The following ITCH variants were observed in gnomAD, a reference collection of about 807,000 sequenced individuals.
The protein encoded by ITCH is E3 ubiquitin-protein ligase Itchy homolog.
ITCH carries 28 observed loss-of-function variants against 126.8 expected under a neutral mutation model. That is an observed-to-expected ratio of 0.22 (90% confidence interval 0.16 to 0.30). The LOEUF (loss-of-function observed/expected upper bound fraction) is 0.30. Among genes scored for constraint, ITCH ranks in the 10% least tolerant of loss-of-function variants. ITCH has a pLI of 1.00. For synonymous variants in ITCH, 342 were observed against 340.0 expected (o/e 1.01, Z -0.06); for missense variants, 631 against 1,032.4 (o/e 0.61, Z 5.33).
At chr20:34,433,239 G>A (rs1601888688) in intron 7 of ITCH, among the ~76,000 whole-genome samples, 2 of 152,344 alleles carry the variant, frequency 1.3e-5, no homozygotes, top group South Asian at 2.1e-4. Flanking sequence ...GCAGTGAGCC[G>A]AGATCGTGCC....
At chr20:34,425,442 T>G (rs1409331648) in intron 7 of ITCH, among the ~76,000 whole-genome samples, 3 of 151,766 alleles carry the variant, frequency 2.0e-5, no homozygotes, top group African/African-American at 4.8e-5. Flanking sequence ...TGAGGAGGAG[T>G]AGTGAAAGAG....
chr20:34,408,729 A>G lies in ITCH; in HGVS notation c.149A>G (p.Gln50Arg). The change falls in exon 4 of 25, where the codon CAG becomes CGG. Residue 50 changes from glutamine (Q) to arginine (R), a missense_variant. Physicochemically the swap from Gln to Arg is conservative, Grantham distance 43. This residue lies in a region of ITCH where 220 missense variants were observed against 265.7 expected (regional missense o/e 0.83). Coordinates refer to ENST00000374864, the MANE Select transcript of ITCH (RefSeq NM_031483.7). ...SPYVEVTVDG[Q>R]SKKTEKCNNT... ...TACGTAGAGGTCACAGTAGATGGAC[A>G]GTCAAAGAAGACAGAAAAATGCAAC... 1.2e-6 allele frequency: 2 copies of G among 1,614,066 alleles called. No individual in the cohort carries two copies. The highest frequency in any genetic ancestry group is 1.7e-5 in the Admixed American group (1 of 60,022).
At chr20:34,459,629 G>A (rs1373242797) in intron 13 of ITCH, among the ~76,000 whole-genome samples, 1 of 152,124 alleles carries the variant, frequency 6.6e-6, no homozygotes, top group Non-Finnish European at 1.5e-5. Context: ...ATATTCCATG[G>A]CTCAAAAGTT....
intron 7 of ITCH, among the ~76,000 whole-genome samples, chr20:34,429,909 C>G (rs1025712811): frequency 6.6e-6 from 1 of 151,912 alleles, no homozygotes; most frequent in African/African-American, 2.4e-5. Flanking sequence ...ATATGCATGT[C>G]TTAGAGGAAT....
At chr20:34,369,336 A>ACAAG (rs2037533810) in intron 1 of ITCH, 58 bp from the exon 2 acceptor site, 2 of 396,794 alleles carry the variant, frequency 5.0e-6, no homozygotes, top group East Asian at 3.6e-5. Flanking sequence ...CATCTCAAAA[A>ACAAG]CAAACAAACA....
chr20:34,370,608 A>T (rs926127881), intron 2 of ITCH, among the ~76,000 whole-genome samples: 1 of 151,612 alleles, frequency 6.6e-6, no homozygotes, highest in Non-Finnish European at 1.5e-5. Flanking sequence ...ACACTGCAGT[A>T]AGCCAAGATC....
At chr20:34,393,653 T>A in intron 2 of ITCH, 138 bp from the exon 3 acceptor site, 2 of 701,888 alleles carry the variant, frequency 2.8e-6, no homozygotes, top group Non-Finnish European at 5.3e-6. Context: ...GGATAAAGAC[T>A]AGAATTGAAA....
intron 11 of ITCH, among the ~76,000 whole-genome samples, chr20:34,447,173 A>AT (rs11341610): frequency 1.7e-3 from 240 of 144,884 alleles, no homozygotes; most frequent in Admixed American, 2.4e-3. Flanking sequence ...AGTCTTTGGA[A>AT]TTTTTTTTTT....
At chr20:34,432,777 G>A (rs1010035443) in intron 7 of ITCH, among the ~76,000 whole-genome samples, 5 of 151,826 alleles carry the variant, frequency 3.3e-5, no homozygotes, top group African/African-American at 7.3e-5. Context: ...GTGACATGGC[G>A]AAACCCTGTC....
At chr20:34,502,709 A>AG in intron 23 of ITCH, among the ~76,000 whole-genome samples, 1 of 151,388 alleles carries the variant, frequency 6.6e-6, no homozygotes, top group East Asian at 1.9e-4. Context: ...CAAAAAAAAA[A>AG]AGAAAATGCT....
Position 34,471,644 on chromosome 20 carries a change from C to T in ITCH, c.1569+129C>T, listed in dbSNP as rs184953831. ...AGTCCTTGAATTTTTCAAGTGCGAT[C>T]TCATTGCCAGCCACCTTAGGGCTTA... On this transcript the variant is annotated intron_variant, in intron 16 of 24. Coordinates refer to ENST00000374864, the MANE Select transcript of ITCH (RefSeq NM_031483.7). 520 of 696,470 alleles carry T rather than the reference C, an allele frequency of 7.5e-4. 2 individuals are homozygous for T. The highest frequency in any genetic ancestry group is 1.0e-3 in the Non-Finnish European group (397 of 379,544). 43.1% of individuals were successfully genotyped at this position (696,470 alleles called of 1,614,324 possible). A position where few individuals can be genotyped will look rare whatever the true frequency, so the allele number is the denominator to read the frequency against.
chr20:34,410,367 CTG>C (rs1248829012), intron 4 of ITCH, among the ~76,000 whole-genome samples: 1 of 138,716 alleles, frequency 7.2e-6, no homozygotes, highest in African/African-American at 2.8e-5. Context: ...AAGTGAAACT[CTG>C]TCTCAAAAAA....
At chr20:34,386,799 G>T (rs891172931) in intron 2 of ITCH, among the ~76,000 whole-genome samples, 13 of 152,032 alleles carry the variant, frequency 8.6e-5, no homozygotes, top group African/African-American at 3.1e-4. Context: ...TTTAAAATAA[G>T]GCTATAAATG....
chr20:34,477,845 A>G lies in ITCH; in HGVS notation c.1643A>G (p.Tyr548Cys), dbSNP rs761682470. ...VIFPGEEGLD[Y>C]GGVAREWFFL... is the part of the protein sequence containing the mutation. ...TTTCCAGGAGAAGAAGGTTTAGATTATGGAGGTGTAGCAAGGTAGTGATAA... is the reference window on the plus strand; with the variant it reads ...TTTCCAGGAGAAGAAGGTTTAGATTGTGGAGGTGTAGCAAGGTAGTGATAA... The change falls in exon 17 of 25, where the codon TAT (tyrosine) becomes TGT (cysteine). Residue 548 changes from tyrosine (Y) to cysteine (C), a missense_variant. Physicochemically the swap from Tyr to Cys is radical, Grantham distance 194 (BLOSUM62 -2). Transcript: ENST00000374864. The G allele has an allele frequency of 6.2e-7, 1 of 1,613,458 alleles. No homozygotes were observed. Among genetic ancestry groups the G allele is most frequent in the Non-Finnish European group, 8.5e-7 (1 of 1,179,454 alleles).
rs114540130 is a variant in ITCH at position 34,402,522 on chromosome 20, C to G, written c.71-6129C>G. ...GTGGATAACTCAGCAGTCATAATCCCTCATAATCCTCTTGCTCTGCAGTAT... is the reference window on the plus strand; with the variant it reads ...GTGGATAACTCAGCAGTCATAATCCGTCATAATCCTCTTGCTCTGCAGTAT... On this transcript the variant is annotated intron_variant, in intron 3 of 24. Transcript: ENST00000374864. 7.7e-4 allele frequency: 577 copies of G among 750,080 alleles called. 3 individuals are homozygous for G. In the African/African-American group the frequency reaches 9.0e-3, roughly 12 times the overall value. The allele number at this position is 750,080 out of a possible 1,614,324, so 46.5% of individuals were successfully genotyped here. A position where few individuals can be genotyped will look rare whatever the true frequency, so the allele number is the denominator to read the frequency against.
In ITCH at chr20:34,427,553, C is replaced by T. The variant is rs1402311369; in HGVS notation, c.521+3028C>T. On this transcript the variant is annotated intron_variant, in intron 7 of 24. Coordinates refer to ENST00000374864, the MANE Select transcript of ITCH (RefSeq NM_031483.7). ...GGAGGATCACTTGAGCTGGGGAGATCAGTGAGCTGAGATCGTGCCACTGTA... is the reference window on the plus strand; with the variant it reads ...GGAGGATCACTTGAGCTGGGGAGATTAGTGAGCTGAGATCGTGCCACTGTA... 2.0e-5 allele frequency among the ~76,000 whole-genome samples: 3 copies of T among 152,120 alleles called. No homozygotes were observed. In the East Asian group the frequency reaches 5.8e-4, roughly 29 times the overall value.
At chr20:34,457,572 C>A in intron 13 of ITCH, 98 bp downstream of exon 13, 2 of 835,060 alleles carry the variant, frequency 2.4e-6, no homozygotes, top group Non-Finnish European at 4.0e-6. Context: ...TGCCAAAGAC[C>A]TAAAACGTTA....
intron 3 of ITCH, among the ~76,000 whole-genome samples, chr20:34,403,525 G>A (rs1279588314): frequency 6.6e-6 from 1 of 152,030 alleles, no homozygotes; most frequent in Admixed American, 6.6e-5. Flanking sequence ...ATAACAATTT[G>A]GTTCAACATG....
intron 24 of ITCH, among the ~76,000 whole-genome samples, chr20:34,506,334 A>C (rs988600175): frequency 5.3e-5 from 8 of 152,172 alleles, no homozygotes; most frequent in Non-Finnish European, 1.2e-4. Context: ...AAAGTGCTGG[A>C]ATTACAGGCC....
Sources: gnomAD v4.1 joint callset for allele counts (sites outside exome capture counted in the v4.1 genomes callset) on GRCh38, gnomAD v4.1.1 for gene constraint, gnomAD v4.1.1 regional missense constraint, MANE v1.5 for transcripts, NCBI Gene and HGNC (gene_info 2026-07-23, HGNC 2026-07-21) for gene names.